Variants in KCNB2 observed in about 807,000 individuals in gnomAD.
KCNB2 encodes delayed rectifier potassium channel protein.
Under a neutral mutation model 61.5 loss-of-function variants are expected in KCNB2, and 15 were observed. That is an observed-to-expected ratio of 0.24 (90% CI 0.16 to 0.38). KCNB2 has a LOEUF of 0.38. Ranked by LOEUF, KCNB2 falls within the 10% of genes least tolerant of loss-of-function variation. The probability of loss-of-function intolerance (pLI) is 1.00; values close to 1 mark genes in which losing one functional copy is unlikely to be tolerated. For missense variants in KCNB2, 828 were observed against 1,125.2 expected (o/e 0.74, Z 3.78); for synonymous variants, 457 against 446.0 (o/e 1.02, Z -0.31).
At chr8:72,848,280 C>T (rs1305564340) in intron 2 of KCNB2, among the ~76,000 whole-genome samples, 1 of 152,172 alleles carries the variant, frequency 6.6e-6, no homozygotes, top group African/African-American at 2.4e-5. Context: ...TCCAACCACC[C>T]CAGCCTTTAG....
intron 2 of KCNB2, among the ~76,000 whole-genome samples, chr8:72,610,385 A>C (rs183706938): frequency 3.2e-4 from 48 of 152,342 alleles, no homozygotes; most frequent in Middle Eastern, 6.8e-3. Flanking sequence ...CAATGGAATT[A>C]GGATAACATG....
intron 2 of KCNB2, among the ~76,000 whole-genome samples, chr8:72,701,013 G>C (rs1381759767): frequency 6.6e-6 from 1 of 152,116 alleles, no homozygotes; most frequent in African/African-American, 2.4e-5. Context: ...TGATAAGTGG[G>C]AGTTAAACAT....
chr8:72,589,476 AGT>A (rs968079217), intron 2 of KCNB2, among the ~76,000 whole-genome samples: 1 of 152,168 alleles, frequency 6.6e-6, no homozygotes, highest in African/African-American at 2.4e-5. Flanking sequence ...ATAAGGAAGC[AGT>A]GTGTGTGTAG....
Position 72,546,518 on chromosome 8 carries a change from A to G in KCNB2, c.-94+8633A>G, listed in dbSNP as rs1357230154. ...GGTGGCAGAGCAAGACTCTGTGTCA[A>G]AAAAAAAAAAAAAGTGCAAGGTGAA... On this transcript the variant is annotated intron_variant, in intron 1 of 2. Coordinates refer to ENST00000523207, the MANE Select transcript of KCNB2 (RefSeq NM_004770.3). Among the ~76,000 whole-genome samples the G allele has an allele frequency of 2.9e-5, 4 of 138,260 alleles. 1 individual carries two copies. In the South Asian group the frequency reaches 8.5e-4, roughly 29 times the overall value. The allele number at this position is 138,260 out of a possible 152,430, so 90.7% of individuals were successfully genotyped here. A position where few individuals can be genotyped will look rare whatever the true frequency, so the allele number is the denominator to read the frequency against.
intron 2 of KCNB2, among the ~76,000 whole-genome samples, chr8:72,746,966 C>A (rs1808083255): frequency 6.6e-6 from 1 of 152,176 alleles, no homozygotes; most frequent in Admixed American, 6.5e-5. Flanking sequence ...CTGAGGAAAT[C>A]TGATGTCATC....
intron 2 of KCNB2, among the ~76,000 whole-genome samples, chr8:72,766,024 G>A (rs1808456541): frequency 6.6e-6 from 1 of 152,070 alleles, no homozygotes; most frequent in South Asian, 2.1e-4. Flanking sequence ...AATGGCATAG[G>A]GCCAAATACA....
chr8:72,886,155 C>T (rs1404335431), intron 2 of KCNB2, among the ~76,000 whole-genome samples: 1 of 152,098 alleles, frequency 6.6e-6, no homozygotes, highest in African/African-American at 2.4e-5. Context: ...TTTTAGATAT[C>T]CTGTGTACCT....
chr8:72,838,357 G>A (rs1225488534), intron 2 of KCNB2, among the ~76,000 whole-genome samples: 2 of 152,156 alleles, frequency 1.3e-5, no homozygotes, highest in East Asian at 1.9e-4. Flanking sequence ...GAGTGAGAAC[G>A]TGGTGTTTGG....
chr8:72,855,833 G>A (rs941310767), intron 2 of KCNB2, among the ~76,000 whole-genome samples: 3 of 152,050 alleles, frequency 2.0e-5, no homozygotes, highest in African/African-American at 4.8e-5. Context: ...GACCTCCCAC[G>A]GATACCACAA....
At chr8:72,706,971 A>G (rs1464758264) in intron 2 of KCNB2, among the ~76,000 whole-genome samples, 1 of 152,170 alleles carries the variant, frequency 6.6e-6, no homozygotes, top group East Asian at 1.9e-4. Context: ...TCCTGTGATC[A>G]GCTCTGGGAC....
intron 2 of KCNB2, among the ~76,000 whole-genome samples, chr8:72,887,812 G>A (rs770414542): frequency 2.6e-5 from 4 of 152,184 alleles, no homozygotes; most frequent in Non-Finnish European, 5.9e-5. Context: ...GAAACCCCCA[G>A]ATGGAAGCCA....
chr8:72,914,751 A>C (rs148956739), intron 2 of KCNB2, among the ~76,000 whole-genome samples: 4,453 of 152,324 alleles, frequency 0.029, 93 homozygotes, highest in Non-Finnish European at 0.045. Flanking sequence ...TATTAAAAAT[A>C]AATTCATGAA....
chr8:72,882,915 C>T (rs1247406745), intron 2 of KCNB2, among the ~76,000 whole-genome samples: 1 of 152,178 alleles, frequency 6.6e-6, no homozygotes, highest in African/African-American at 2.4e-5. Context: ...GACACAGCCT[C>T]ATTTCCATGT....
At chr8:72,586,481 A>C (rs1300156102) in intron 2 of KCNB2, among the ~76,000 whole-genome samples, 1 of 152,236 alleles carries the variant, frequency 6.6e-6, no homozygotes, top group African/African-American at 2.4e-5. Flanking sequence ...AGAGGGGGAG[A>C]AAAGAAAAAT....
Position 72,567,772 on chromosome 8 carries a change from C to T in KCNB2, c.38C>T (p.Thr13Ile). The change falls in exon 2 of 3, where the codon ACT becomes ATT. Residue 13 changes from threonine (T) to isoleucine (I), a missense_variant. Around this residue, in one of 4 missense-constraint regions of KCNB2, gnomAD observed 62 missense variants for 54.8 expected, o/e 1.13. Transcript: ENST00000523207. Reference protein sequence around the residue: ...EKAPPGLNRKTSRSTLSLPPE... With the variant: ...EKAPPGLNRKISRSTLSLPPE... ...GCTCCCCCGGGCTTAAACAGGAAGA[C>T]TTCAAGGTCGACACTTTCCCTTCCT... 1 of 1,604,080 alleles carries T rather than the reference C, an allele frequency of 6.2e-7. No homozygotes were observed. The highest frequency in any genetic ancestry group is 8.5e-7 in the Non-Finnish European group (1 of 1,175,616).
At chr8:72,741,724 C>T (rs889360797) in intron 2 of KCNB2, among the ~76,000 whole-genome samples, 2 of 152,134 alleles carry the variant, frequency 1.3e-5, no homozygotes, top group Admixed American at 6.5e-5. Context: ...CAATTCCATC[C>T]AGGTTGCTGC....
chr8:72,555,179 T>C (rs537462139), intron 1 of KCNB2, among the ~76,000 whole-genome samples: 1 of 152,090 alleles, frequency 6.6e-6, no homozygotes, highest in South Asian at 2.1e-4. Flanking sequence ...TCTTAACCTA[T>C]AAATAAAAGA....
At chr8:72,862,411 C>A (rs995799989) in intron 2 of KCNB2, among the ~76,000 whole-genome samples, 4 of 152,134 alleles carry the variant, frequency 2.6e-5, no homozygotes, top group African/African-American at 9.7e-5. Context: ...TGGCCACTAA[C>A]TGTATAGTCC....
chr8:72,913,820 T>G (rs1175555980), intron 2 of KCNB2, among the ~76,000 whole-genome samples: 3 of 152,236 alleles, frequency 2.0e-5, no homozygotes, highest in Admixed American at 1.3e-4. Context: ...ATGACACTTT[T>G]CAACAAACAT....
Sources: gnomAD v4.1 joint callset for allele counts (sites outside exome capture counted in the v4.1 genomes callset) on GRCh38, gnomAD v4.1.1 for gene constraint, gnomAD v4.1.1 regional missense constraint, MANE v1.5 for transcripts, NCBI Gene and HGNC (gene_info 2026-07-23, HGNC 2026-07-21) for gene names.